The following ABCD2 variants were observed in gnomAD, a reference collection of about 807,000 sequenced individuals.
ABCD2 encodes ATP binding cassette subfamily D member 2, also known as ATP-binding cassette sub-family D member 2.
A neutral mutation model predicts 70.9 loss-of-function variants in ABCD2; 36 were observed. That is an observed-to-expected ratio of 0.51 (90% CI 0.39 to 0.67). The LOEUF (loss-of-function observed/expected upper bound fraction) is 0.67, where lower values mean the gene tolerates loss of function less well. Among genes scored for constraint, ABCD2 ranks in the 30% least tolerant of loss-of-function variants. ABCD2 has a pLI of 0.00. For missense variants in ABCD2, 729 were observed against 890.2 expected (o/e 0.82, Z 2.30); for synonymous variants, 304 against 306.9 (o/e 0.99, Z 0.10).
chr12:39,566,768 A>G (rs1315887367), intron 9 of ABCD2, among the ~76,000 whole-genome samples: 1 of 152,174 alleles, frequency 6.6e-6, no homozygotes, highest in Non-Finnish European at 1.5e-5. Flanking sequence ...GTGGGCATTT[A>G]GTGCTATAAA....
At chr12:39,563,301 G>A (rs1489983236) in intron 9 of ABCD2, among the ~76,000 whole-genome samples, 1 of 152,118 alleles carries the variant, frequency 6.6e-6, no homozygotes, top group Non-Finnish European at 1.5e-5. Context: ...CAAGGTGGGA[G>A]GATCACTTGA....
Position 39,619,711 on chromosome 12 carries a change from G to T in ABCD2, c.-96C>A, listed in dbSNP as rs1942169295. 2 of 1,067,060 alleles carry T rather than the reference G, an allele frequency of 1.9e-6. No homozygotes were observed. The highest frequency in any genetic ancestry group is 2.7e-6 in the Non-Finnish European group (2 of 754,530). 66.1% of individuals were successfully genotyped at this position (1,067,060 alleles called of 1,614,324 possible). On this transcript the variant is annotated 5_prime_UTR_variant, in exon 1 of 10. Transcript: ENST00000308666. Reference sequence around the variant, plus strand: ...CAAATGTTTTAGAAAGTCCTACAGCGTCCCATAGTCTGCAGCGTTTCTCTT... The same window carrying T: ...CAAATGTTTTAGAAAGTCCTACAGCTTCCCATAGTCTGCAGCGTTTCTCTT...
At chr12:39,593,238 A>G (rs562831794) in intron 6 of ABCD2, among the ~76,000 whole-genome samples, 2 of 152,048 alleles carry the variant, frequency 1.3e-5, no homozygotes, top group South Asian at 4.1e-4. Flanking sequence ...CACAGCTTTT[A>G]TTTTTTTGTT....
intron 5 of ABCD2, among the ~76,000 whole-genome samples, chr12:39,601,270 T>C (rs747950610): frequency 6.6e-6 from 1 of 151,776 alleles, no homozygotes. Context: ...TATTCACAAA[T>C]AGAGAAAATA....
chr12:39,560,064 G>A (rs888442267), intron 9 of ABCD2, among the ~76,000 whole-genome samples: 1 of 152,098 alleles, frequency 6.6e-6, no homozygotes, highest in African/African-American at 2.4e-5. Flanking sequence ...ACAATGTGCA[G>A]GTTTGTTACA....
At chr12:39,598,445 G>T (rs1333929910) in intron 6 of ABCD2, among the ~76,000 whole-genome samples, 1 of 151,976 alleles carries the variant, frequency 6.6e-6, no homozygotes, top group Admixed American at 6.6e-5. Flanking sequence ...TTGTTGCCCG[G>T]GCTGGAGTGC....
chr12:39,561,544 CAGGAGT>C (rs968008176), intron 9 of ABCD2, among the ~76,000 whole-genome samples: 1 of 152,148 alleles, frequency 6.6e-6, no homozygotes, highest in African/African-American at 2.4e-5. Context: ...TAAAAGGCAT[CAGGAGT>C]AGCTATACTA....
At chr12:39,560,109 C>T (rs1265574071) in intron 9 of ABCD2, among the ~76,000 whole-genome samples, 2 of 152,136 alleles carry the variant, frequency 1.3e-5, no homozygotes, top group Admixed American at 6.5e-5. Flanking sequence ...GTGCTGCACC[C>T]ATTAACTCAT....
intron 7 of ABCD2, among the ~76,000 whole-genome samples, 166 bp downstream of exon 7, chr12:39,585,986 A>G (rs1228858037): frequency 6.6e-6 from 1 of 152,200 alleles, no homozygotes; most frequent in Non-Finnish European, 1.5e-5. Flanking sequence ...ACACAAGCAG[A>G]AAAAGAAATG....
intron 7 of ABCD2, among the ~76,000 whole-genome samples, chr12:39,581,459 G>A (rs779541608): frequency 2.0e-5 from 3 of 151,970 alleles, no homozygotes; most frequent in South Asian, 2.1e-4. Flanking sequence ...ATACACATAG[G>A]AAATAGACAA....
chr12:39,542,151 TA>T, the ABCD2 span, among the ~76,000 whole-genome samples: 1 of 152,196 alleles, frequency 6.6e-6, no homozygotes, highest in East Asian at 1.9e-4. Flanking sequence ...TATAAAATTT[TA>T]AAATATTAAA....
At position 39,619,544 on chromosome 12, in the gene ABCD2, G is replaced by A; in HGVS notation, c.72C>T (p.Ala24=). 6.2e-7 allele frequency: 1 copy of A among 1,611,686 alleles called. No individual in the cohort carries two copies. Among genetic ancestry groups the A allele is most frequent in the Non-Finnish European group, 8.5e-7 (1 of 1,180,000 alleles). The change falls in exon 1 of 10, where the codon GCC becomes GCT. Residue 24 remains alanine, a synonymous_variant. Coordinates refer to ENST00000308666, the MANE Select transcript of ABCD2 (RefSeq NM_005164.4). ...WTRSSAAKRA[A]CLVAAAYALK... ...GAGCATATGCCGCAGCCACCAGGCA[G>A]GCAGCCCTCTTAGCAGCACTCGATC...
rs1464017782 is a variant in ABCD2, at chr12:39,564,911, G to C, written c.2003+8805C>G. Among the ~76,000 whole-genome samples, 5 of 152,080 alleles carry C rather than the reference G, an allele frequency of 3.3e-5. No individual in the cohort carries two copies. In the South Asian group the frequency reaches 8.3e-4, roughly 25 times the overall value. ...AATCCTTTCCCCATTGCTTGTTTTT[G>C]TCAGGTTTGTCAAAGATCAGATGGT... On this transcript the variant is annotated intron_variant, in intron 9 of 9. Transcript: ENST00000308666.
chr12:39,558,986 G>A (rs1018911196), intron 9 of ABCD2, among the ~76,000 whole-genome samples: 3 of 152,038 alleles, frequency 2.0e-5, no homozygotes, highest in African/African-American at 7.2e-5. Flanking sequence ...AAAAATATGT[G>A]AACTTGAAAA....
At chr12:39,563,754 C>A (rs796846321) in intron 9 of ABCD2, among the ~76,000 whole-genome samples, 6 of 152,220 alleles carry the variant, frequency 3.9e-5, no homozygotes, top group East Asian at 1.9e-4. Flanking sequence ...TTAGTTATAT[C>A]TCCTAATGCT....
At chr12:39,609,254 T>C (rs750463825) in intron 2 of ABCD2, among the ~76,000 whole-genome samples, 1 of 152,178 alleles carries the variant, frequency 6.6e-6, no homozygotes, top group Non-Finnish European at 1.5e-5. Flanking sequence ...GGAATCAGAC[T>C]AGGTTTGAAT....
At chr12:39,612,858 G>A (rs1045470388) in intron 2 of ABCD2, among the ~76,000 whole-genome samples, 1 of 152,176 alleles carries the variant, frequency 6.6e-6, no homozygotes, top group Non-Finnish European at 1.5e-5. Context: ...CATCACCCAT[G>A]CTACTGGAGT....
intron 3 of ABCD2, among the ~76,000 whole-genome samples, chr12:39,606,012 A>G (rs1941964881): frequency 6.6e-6 from 1 of 152,172 alleles, no homozygotes; most frequent in African/African-American, 2.4e-5. Flanking sequence ...TTCTAATGTT[A>G]TCTGGAAGAA....
chr12:39,599,403 T>C (rs1037897006), intron 6 of ABCD2, among the ~76,000 whole-genome samples: 2 of 152,220 alleles, frequency 1.3e-5, no homozygotes, highest in African/African-American at 2.4e-5. Context: ...ACAGAAACTT[T>C]TGGCAGTATA....
Sources: gnomAD v4.1 joint callset for allele counts (sites outside exome capture counted in the v4.1 genomes callset) on GRCh38, gnomAD v4.1.1 for gene constraint, MANE v1.5 for transcripts, NCBI Gene and HGNC (gene_info 2026-07-23, HGNC 2026-07-21) for gene names.